NLGN1: variants seen among roughly 807,000 people sequenced by gnomAD.
NLGN1 encodes neuroligin-1.
A neutral mutation model predicts 65.5 loss-of-function variants in NLGN1; 12 were observed. The observed-to-expected ratio is 0.18, with a 90% CI of 0.12 to 0.30. The LOEUF (loss-of-function observed/expected upper bound fraction) is 0.30. Ranked by LOEUF, NLGN1 falls within the 10% of genes least tolerant of loss-of-function variation. NLGN1 has a pLI of 1.00. For missense variants in NLGN1, 750 were observed against 1,007.1 expected, an observed-to-expected ratio of 0.74 and a Z score of 3.46; for synonymous variants, 350 against 359.5, an observed-to-expected ratio of 0.97 and a Z score of 0.30.
chr3:174,001,152 A>G (rs1443110982), intron 4 of NLGN1, among the ~76,000 whole-genome samples: 1 of 152,190 alleles, frequency 6.6e-6, no homozygotes, highest in African/African-American at 2.4e-5. Flanking sequence ...AAAGGGAAGA[A>G]CAGATGAGAG....
At chr3:173,747,908 G>T (rs1022778739) in intron 3 of NLGN1, among the ~76,000 whole-genome samples, 1 of 140,882 alleles carries the variant, frequency 7.1e-6, no homozygotes, top group African/African-American at 2.6e-5. Context: ...CCACCACCTG[G>T]GTTTAAGCAA....
intron 4 of NLGN1, among the ~76,000 whole-genome samples, chr3:173,900,137 A>T (rs539701808): frequency 6.6e-6 from 1 of 152,264 alleles, no homozygotes; most frequent in Non-Finnish European, 1.5e-5. Context: ...AATGCTCAAA[A>T]CAGAGAAAAT....
At chr3:173,638,319 C>G (rs1214937588) in intron 3 of NLGN1, among the ~76,000 whole-genome samples, 1 of 149,330 alleles carries the variant, frequency 6.7e-6, no homozygotes, top group Non-Finnish European at 1.5e-5. Context: ...ATGGTTCAGT[C>G]AACTTCAATA....
At chr3:174,109,667 T>C (rs1203275989) in intron 4 of NLGN1, among the ~76,000 whole-genome samples, 1 of 152,070 alleles carries the variant, frequency 6.6e-6, no homozygotes, top group Admixed American at 6.6e-5. Flanking sequence ...CTCAGTTGAA[T>C]TTTTATCCAA....
chr3:173,477,936 G>A (rs1005773303), intron 2 of NLGN1, among the ~76,000 whole-genome samples: 2 of 152,076 alleles, frequency 1.3e-5, no homozygotes, highest in African/African-American at 2.4e-5. Context: ...GAAATAGGAA[G>A]GCTTTTATAC....
At chr3:173,637,842 TC>T (rs1560089270) in intron 3 of NLGN1, among the ~76,000 whole-genome samples, 4 of 152,178 alleles carry the variant, frequency 2.6e-5, no homozygotes, top group Non-Finnish European at 5.9e-5. Context: ...GATATAAACT[TC>T]AATTAGTATT....
intron 4 of NLGN1, among the ~76,000 whole-genome samples, chr3:173,826,009 C>CA (rs1014071096): frequency 4.0e-5 from 6 of 151,846 alleles, no homozygotes; most frequent in South Asian, 2.1e-4. Flanking sequence ...CATACTAACA[C>CA]AAAAAACTAA....
chr3:173,426,623 CATTTATTT>C (rs3030741), intron 1 of NLGN1, among the ~76,000 whole-genome samples: 8 of 151,528 alleles, frequency 5.3e-5, no homozygotes, highest in African/African-American at 1.9e-4. Context: ...TGCTATAGCA[CATTTATTT>C]ATTTATTTAT....
intron 2 of NLGN1, among the ~76,000 whole-genome samples, chr3:173,603,064 A>G (rs966237152): frequency 2.0e-5 from 3 of 152,124 alleles, no homozygotes; most frequent in Non-Finnish European, 4.4e-5. Context: ...CTGCTGCCCT[A>G]TATAGTTTTT....
intron 4 of NLGN1, among the ~76,000 whole-genome samples, chr3:174,160,362 G>A (rs1333633926): frequency 6.6e-6 from 1 of 151,132 alleles, no homozygotes; most frequent in Non-Finnish European, 1.5e-5. Context: ...TTCCTCCCCT[G>A]CCCAAAATAG....
At chr3:174,124,776 T>C (rs1464309859) in intron 4 of NLGN1, among the ~76,000 whole-genome samples, 2 of 151,576 alleles carry the variant, frequency 1.3e-5, no homozygotes, top group Non-Finnish European at 2.9e-5. Context: ...ATGTATATTA[T>C]GAATGAGCTA....
At chr3:174,081,195 T>C (rs1218606815) in intron 4 of NLGN1, among the ~76,000 whole-genome samples, 1 of 152,120 alleles carries the variant, frequency 6.6e-6, no homozygotes, top group Non-Finnish European at 1.5e-5. Context: ...CATGTTGGTG[T>C]GCATTGGAGG....
rs532118908 is a variant in NLGN1, at chr3:173,894,988, C to G, written c.646+87156C>G. Reference sequence around the variant, plus strand: ...TAGGTAAAAAGTCTGACACAGGTATCACTGGGCTAAAATCAGCGTATTACA... The same window carrying G: ...TAGGTAAAAAGTCTGACACAGGTATGACTGGGCTAAAATCAGCGTATTACA... On this transcript the variant is annotated intron_variant, in intron 4 of 6. Coordinates refer to ENST00000457714, the Ensembl canonical transcript of NLGN1. Among the ~76,000 whole-genome samples the G allele has an allele frequency of 4.6e-5, 7 of 152,276 alleles. No individual in the cohort carries two copies. The South Asian group carries it at 1.5e-3, about 32-fold the overall frequency.
chr3:174,215,165 AC>A (rs1325827657), intron 4 of NLGN1, among the ~76,000 whole-genome samples: 1 of 152,150 alleles, frequency 6.6e-6, no homozygotes, highest in African/African-American at 2.4e-5. Context: ...TCAGATCATC[AC>A]CTCTGACTTA....
intron 1 of NLGN1, among the ~76,000 whole-genome samples, chr3:173,403,028 G>T (rs778514079): frequency 3.9e-5 from 6 of 152,020 alleles, no homozygotes; most frequent in Non-Finnish European, 5.9e-5. Flanking sequence ...GTCCTTCTCA[G>T]ATCTCTTAAA....
intron 4 of NLGN1, among the ~76,000 whole-genome samples, chr3:174,013,782 T>C (rs775443895): frequency 1.7e-4 from 26 of 152,318 alleles, no homozygotes; most frequent in Middle Eastern, 3.4e-3. Flanking sequence ...GAGGTGATCA[T>C]GGCTCACTGC....
At chr3:174,021,025 A>G (rs1055048689) in intron 4 of NLGN1, among the ~76,000 whole-genome samples, 1 of 152,016 alleles carries the variant, frequency 6.6e-6, no homozygotes, top group South Asian at 2.1e-4. Context: ...GCCACTGAGT[A>G]TATCTCTTTA....
chr3:173,414,440 G>A (rs914686499), intron 1 of NLGN1, among the ~76,000 whole-genome samples: 3 of 152,018 alleles, frequency 2.0e-5, no homozygotes, highest in Non-Finnish European at 4.4e-5. Context: ...TTAAGTAAGG[G>A]GTCAGTGTGG....
intron 4 of NLGN1, among the ~76,000 whole-genome samples, chr3:174,271,426 C>T (rs1386034834): frequency 6.6e-6 from 1 of 151,842 alleles, no homozygotes; most frequent in Non-Finnish European, 1.5e-5. Flanking sequence ...AAATTAGCTC[C>T]TTTCACACTC....
Sources: allele counts gnomAD v4.1 joint callset (sites outside exome capture counted in the v4.1 genomes callset), GRCh38; gene constraint gnomAD v4.1.1; transcripts MANE v1.5; gene names NCBI Gene and HGNC (gene_info 2026-07-23, HGNC 2026-07-21).